EML6: variants seen among roughly 807,000 people sequenced by gnomAD.
EML6 encodes echinoderm microtubule-associated protein-like 6.
Under a neutral mutation model 240.1 loss-of-function variants are expected in EML6, and 154 were observed. The ratio of observed to expected loss-of-function variants is 0.64; its 90% CI spans 0.56 to 0.73. The LOEUF (loss-of-function observed/expected upper bound fraction) is 0.73. Among genes scored for constraint, EML6 ranks in the 30% least tolerant of loss-of-function variants. The pLI, the probability that EML6 is intolerant of heterozygous loss-of-function variation, is 0.00. For synonymous variants in EML6, 1,148 were observed against 899.0 expected (o/e 1.28, Z -4.95); for missense variants, 2,964 against 2,474.6 (o/e 1.20, Z -4.20).
intron 40 of EML6, 22 bp downstream of exon 40, chr2:54,968,303 C>T (rs780532075): frequency 3.6e-5 from 56 of 1,550,994 alleles, no homozygotes; most frequent in Non-Finnish European, 4.5e-5. Flanking sequence ...TCAGAGTAAC[C>T]TCCCTGCAGG....
intron 16 of EML6, 81 bp from the exon 17 acceptor site, chr2:54,879,466 T>G (rs574478734): frequency 1.1e-6 from 1 of 875,842 alleles, no homozygotes; most frequent in Admixed American, 2.3e-5. Flanking sequence ...TTAAGATCAG[T>G]TACTTATTCC....
intron 6 of EML6, among the ~76,000 whole-genome samples, chr2:54,828,328 G>T (rs1668698481): frequency 6.6e-6 from 1 of 152,202 alleles, no homozygotes; most frequent in Non-Finnish European, 1.5e-5. Context: ...AGAACAAGGA[G>T]AAACTTCTTA....
intron 24 of EML6, among the ~76,000 whole-genome samples, chr2:54,905,603 A>C (rs1229467567): frequency 6.6e-6 from 1 of 152,188 alleles, no homozygotes; most frequent in African/African-American, 2.4e-5. Context: ...CGTTAAAAAC[A>C]TTGACACTGT....
At chr2:54,835,176 T>C (rs905467406) in intron 7 of EML6, among the ~76,000 whole-genome samples, 1 of 152,250 alleles carries the variant, frequency 6.6e-6, no homozygotes, top group African/African-American at 2.4e-5. Flanking sequence ...ATTCTGCCTC[T>C]ACCACTCCAA....
At chr2:54,879,758 G>T (rs1671719609) in intron 17 of EML6, 118 bp downstream of exon 17, 2 of 682,024 alleles carry the variant, frequency 2.9e-6, no homozygotes, top group Non-Finnish European at 2.5e-6. Flanking sequence ...GACGTAGAAG[G>T]CTTAGCACCT....
Position 54,724,309 on chromosome 2 carries a change from C to G in EML6, c.-513-240C>G, listed in dbSNP as rs910550529. On this transcript the variant is annotated intron_variant, in intron 1 of 41. Transcript: ENST00000356458. The surrounding 1 kb of genome is among the most constrained non-coding windows in gnomAD (Gnocchi z 5.2). ...ATCTAAAAAATGACCATTGCATATTCGCCCTCGCTTATTAGGGAAACAGCA... is the reference window on the plus strand; with the variant it reads ...ATCTAAAAAATGACCATTGCATATTGGCCCTCGCTTATTAGGGAAACAGCA... 6.6e-6 allele frequency among the ~76,000 whole-genome samples: 1 copy of G among 152,098 alleles called. No homozygotes were observed. The highest frequency in any genetic ancestry group is 6.5e-5 in the Admixed American group (1 of 15,278).
chr2:54,727,934 C>T (rs953995899), intron 2 of EML6, among the ~76,000 whole-genome samples: 1 of 152,154 alleles, frequency 6.6e-6, no homozygotes, highest in South Asian at 2.1e-4. Flanking sequence ...TAGGTTTTGG[C>T]AGAGCTCATT....
At chr2:54,823,233 A>C (rs772542744) in intron 5 of EML6, among the ~76,000 whole-genome samples, 10 of 152,220 alleles carry the variant, frequency 6.6e-5, no homozygotes, top group African/African-American at 4.8e-5. Context: ...GGCTAGAAGC[A>C]TGTTGTCAGG....
At chr2:54,792,987 G>A (rs966504980) in intron 2 of EML6, among the ~76,000 whole-genome samples, 1 of 152,170 alleles carries the variant, frequency 6.6e-6, no homozygotes, top group African/African-American at 2.4e-5. Context: ...TGATCTTTAG[G>A]CTTGGTGGAG....
chr2:54,934,516 A>G (rs1558702132), intron 28 of EML6, among the ~76,000 whole-genome samples: 1 of 152,096 alleles, frequency 6.6e-6, no homozygotes, highest in Admixed American at 6.5e-5. Flanking sequence ...TTGGAGTTAT[A>G]TAGTATCAAC....
At chr2:54,737,853 C>T (rs898683929) in intron 2 of EML6, among the ~76,000 whole-genome samples, 9 of 152,156 alleles carry the variant, frequency 5.9e-5, no homozygotes, top group African/African-American at 1.2e-4. Flanking sequence ...TTTACCTCTG[C>T]GATCCAGTCT....
intron 16 of EML6, among the ~76,000 whole-genome samples, chr2:54,873,453 A>G (rs1486352398): frequency 2.0e-5 from 3 of 152,254 alleles, no homozygotes; most frequent in Non-Finnish European, 4.4e-5. Context: ...CAGTGAATAC[A>G]AAGTCCAAAC....
At chr2:54,842,336 T>G (rs1295973911) in intron 7 of EML6, among the ~76,000 whole-genome samples, 1 of 152,212 alleles carries the variant, frequency 6.6e-6, no homozygotes, top group Non-Finnish European at 1.5e-5. Flanking sequence ...TAGTAGGTCT[T>G]TCAACATAAG....
intron 11 of EML6, among the ~76,000 whole-genome samples, chr2:54,859,063 G>A (rs934992508): frequency 3.9e-5 from 6 of 152,148 alleles, no homozygotes; most frequent in African/African-American, 7.2e-5. Flanking sequence ...CACTACCTGG[G>A]GTTAGTGTTC....
At chr2:54,912,001 C>T (rs866035551) in intron 25 of EML6, among the ~76,000 whole-genome samples, 1 of 152,206 alleles carries the variant, frequency 6.6e-6, no homozygotes, top group African/African-American at 2.4e-5. Flanking sequence ...AATATTGCTT[C>T]CTTAGAGGAA....
At chr2:54,740,607 A>G (rs539219695) in intron 2 of EML6, among the ~76,000 whole-genome samples, 1 of 152,056 alleles carries the variant, frequency 6.6e-6, no homozygotes, top group African/African-American at 2.4e-5. Flanking sequence ...TTCTTCTTAC[A>G]TCTGCTTTAT....
intron 7 of EML6, among the ~76,000 whole-genome samples, chr2:54,842,635 T>G (rs6545447): frequency 0.5 from 75,716 of 151,914 alleles, 19,563 homozygotes; most frequent in East Asian, 0.88. Flanking sequence ...TGGCCTTGTT[T>G]TAAAGTATTT....
chr2:54,963,932 G>T (rs770763524), intron 36 of EML6, 54 bp from the exon 37 acceptor site: 68 of 1,492,912 alleles, frequency 4.6e-5, no homozygotes, highest in Non-Finnish European at 6.0e-5. Context: ...ATGTCTCCTG[G>T]AGACCAGCTG....
At chr2:54,753,994 G>A (rs912222208) in intron 2 of EML6, among the ~76,000 whole-genome samples, 2 of 151,816 alleles carry the variant, frequency 1.3e-5, no homozygotes, top group Non-Finnish European at 2.9e-5. Flanking sequence ...AATTAGCCGG[G>A]TGTGGCAGCC....
Sources: gnomAD v4.1 joint callset for allele counts (sites outside exome capture counted in the v4.1 genomes callset) on GRCh38, gnomAD v4.1.1 for gene constraint, Gnocchi (gnomAD v3.1) non-coding constraint, MANE v1.5 for transcripts, NCBI Gene and HGNC (gene_info 2026-07-23, HGNC 2026-07-21) for gene names.